ZNF846: variants seen among roughly 807,000 people sequenced by gnomAD.
ZNF846 encodes zinc finger protein 846, also known as zinc finger protein 420 pseudogene.
Under a neutral mutation model 16.0 loss-of-function variants are expected in ZNF846, and 15 were observed. The ratio of observed to expected loss-of-function variants is 0.94; its 90% confidence interval spans 0.63 to 1.45. The LOEUF (loss-of-function observed/expected upper bound fraction) is 1.45, where lower values mean the gene tolerates loss of function less well. Among genes scored for constraint, ZNF846 ranks in the 40% most tolerant of loss-of-function variants. The pLI, the probability that ZNF846 is intolerant of heterozygous loss-of-function variation, is 0.00. For synonymous variants in ZNF846, 229 were observed against 212.0 expected, an observed-to-expected ratio of 1.08 and a Z score of -0.70; for missense variants, 714 against 622.3, an observed-to-expected ratio of 1.15 and a Z score of -1.57.
chr19:9,780,495 G>A (rs190394637), intron 1 of ZNF846, among the ~76,000 whole-genome samples: 1 of 152,038 alleles, frequency 6.6e-6, no homozygotes, highest in East Asian at 1.9e-4. Flanking sequence ...TATCACCCAG[G>A]ATGGAGTGCA....
chr19:9,762,220 G>T, intron 3 of ZNF846, 52 bp from the exon 4 acceptor site: 1 of 1,378,520 alleles, frequency 7.3e-7, no homozygotes, highest in Non-Finnish European at 1.0e-6. Flanking sequence ...ATAACACCAT[G>T]TCCTTCAATG....
At chr19:9,749,546 C>CTTT (rs60331343), downstream of ZNF846, among the ~76,000 whole-genome samples, 7 of 125,552 alleles carry the variant, frequency 5.6e-5, no homozygotes, top group South Asian at 2.5e-4. Flanking sequence ...ATAAGTCTTT[C>CTTT]TTTTTTTTTT....
At chr19:9,753,668 A>T (rs1274564149), downstream of ZNF846, among the ~76,000 whole-genome samples, 1 of 151,742 alleles carries the variant, frequency 6.6e-6, no homozygotes, top group Non-Finnish European at 1.5e-5. Flanking sequence ...TGCTTCACCC[A>T]TTGATAGATC....
At chr19:9,759,897 T>G in exon 5 of ZNF846, 1 of 1,613,346 alleles carries the variant, frequency 6.2e-7, no homozygotes, top group Non-Finnish European at 8.5e-7. Flanking sequence ...TGCAGAAATA[T>G]CTTGCAGCAG....
At chr19:9,762,281 T>C in intron 3 of ZNF846, 113 bp from the exon 4 acceptor site, 1 of 738,346 alleles carries the variant, frequency 1.4e-6, no homozygotes, top group Non-Finnish European at 2.4e-6. Context: ...CAAGTGTAAC[T>C]TTACAAATAG....
intron 5 of ZNF846, 76 bp downstream of exon 5, chr19:9,759,784 A>C: frequency 8.5e-7 from 1 of 1,181,254 alleles, no homozygotes; most frequent in Non-Finnish European, 1.2e-6. Context: ...GGTAAATGCC[A>C]TTTTCCTCAT....
upstream of ZNF846, among the ~76,000 whole-genome samples, chr19:9,769,058 T>C (rs1254138857): frequency 6.6e-6 from 1 of 152,212 alleles, no homozygotes; most frequent in Non-Finnish European, 1.5e-5. Context: ...GGGATGCTCA[T>C]CGAGTGCTTT....
downstream of ZNF846, among the ~76,000 whole-genome samples, chr19:9,749,002 C>T (rs184281806): frequency 4.6e-5 from 7 of 152,262 alleles, no homozygotes; most frequent in African/African-American, 7.2e-5. Flanking sequence ...ACTCTACAAC[C>T]GCGATGGACT....
chr19:9,784,732 C>T (rs2045541153), intron 1 of ZNF846, among the ~76,000 whole-genome samples: 1 of 152,142 alleles, frequency 6.6e-6, no homozygotes. Flanking sequence ...GGCAGAGGTG[C>T]CTGCGGCCTT....
chr19:9,754,627 A>G (rs183624516), downstream of ZNF846, among the ~76,000 whole-genome samples: 1 of 148,810 alleles, frequency 6.7e-6, no homozygotes. Context: ...ATTTTAATCC[A>G]TTTTGCCAAA....
downstream of ZNF846, among the ~76,000 whole-genome samples, chr19:9,749,745 C>T (rs1599378686): frequency 1.3e-5 from 2 of 152,116 alleles, no homozygotes; most frequent in Admixed American, 6.5e-5. Context: ...CAGCCGTCCC[C>T]GCTCTACAGG....
rs1027286299 is a variant in ZNF846 at position 9,758,074 on chromosome 19, C to A, written c.1003G>T (p.Glu335Ter). The A allele has an allele frequency of 2.5e-6, 4 of 1,613,558 alleles. No homozygotes were observed. The highest frequency in any genetic ancestry group is 3.4e-6 in the Non-Finnish European group (4 of 1,180,006). Residue 335 changes from glutamate (E) to a stop codon, truncating the protein, a stop_gained, in exon 6 of 6, where the codon GAA becomes TAA. Transcript: ENST00000397902. LOFTEE classifies it low-confidence loss of function (END_TRUNC). ...CACTCCTTACATTCATATGGCTTTT[C>A]TCCAGTGTGAATTCGCATGTGTAAA...
At chr19:9,774,998 G>GC in intron 1 of ZNF846, 1 of 1,576,112 alleles carries the variant, frequency 6.3e-7, no homozygotes, top group African/African-American at 1.4e-5. Context: ...GTAAGCAGAG[G>GC]CCCCATGCAG....
At position 9,757,863 on chromosome 19, in the gene ZNF846, T is replaced by C. The variant is rs1222250463; in HGVS notation, c.1214A>G (p.Asn405Ser). ...TACATGTTGACTAAGCATTGAGGAA[T>C]TATTAAAGGCTTTCCCACATTCTTT... is the stretch of plus-strand genomic sequence containing the variant. Residue 405 changes from asparagine (N) to serine (S), a missense_variant, in exon 6 of 6, where the codon AAT (asparagine) becomes AGT (serine). Physicochemically the swap from Asn to Ser is conservative, Grantham distance 46 (BLOSUM62 1). Coordinates refer to ENST00000397902, the Ensembl canonical transcript of ZNF846. 3 of 1,611,598 alleles carry C rather than the reference T, an allele frequency of 1.9e-6. No homozygotes were observed. Among genetic ancestry groups the C allele is most frequent in the Non-Finnish European group, 2.5e-6 (3 of 1,178,562 alleles).
chr19:9,778,739 G>T (rs577839112), intron 1 of ZNF846, among the ~76,000 whole-genome samples: 27 of 147,852 alleles, frequency 1.8e-4, no homozygotes, highest in Non-Finnish European at 3.4e-4. Context: ...GGAGGCAGAG[G>T]TTGCAGTGAG....
chr19:9,774,846 C>T lies in ZNF846; in HGVS notation c.-85-9811G>A, dbSNP rs569696026. The T allele has an allele frequency of 2.9e-5, 47 of 1,609,860 alleles. 1 individual carries two copies. The Admixed American group carries it at 7.9e-4, about 27-fold the overall frequency. On this transcript the variant is annotated intron_variant, in intron 1 of 4. Transcript: ENST00000586814. ...ATAGCACTGGTGAATGACCCCCAGC[C>T]CGAGCACCCGCTTCGGGCTGACCTA...
intron 1 of ZNF846, among the ~76,000 whole-genome samples, chr19:9,776,214 G>A (rs540614918): frequency 2.0e-5 from 3 of 152,292 alleles, no homozygotes; most frequent in South Asian, 2.1e-4. Flanking sequence ...CCCCGGGGGG[G>A]TTTATAGAAG....
chr19:9,752,377 G>A (rs574471115), exon 6 of ZNF846: 2 of 319,122 alleles, frequency 6.3e-6, no homozygotes, highest in Non-Finnish European at 1.3e-5. Context: ...GGAGGCCAAG[G>A]TGGGTGGATC....
chr19:9,752,536 A>C (rs2045093173), downstream of ZNF846: 1 of 234,876 alleles, frequency 4.3e-6, no homozygotes, highest in East Asian at 1.4e-4. Flanking sequence ...AATCACTTGA[A>C]CCTGGGAGGT....
Sources: gnomAD v4.1 joint callset for allele counts (sites outside exome capture counted in the v4.1 genomes callset) on GRCh38, gnomAD v4.1.1 for gene constraint, MANE v1.5 for transcripts, NCBI Gene and HGNC (gene_info 2026-07-23, HGNC 2026-07-21) for gene names.